DRC7: variants seen among roughly 807,000 people sequenced by gnomAD.
The protein encoded by DRC7 is dynein regulatory complex subunit 7.
Under a neutral mutation model 104.4 loss-of-function variants are expected in DRC7, and 80 were observed. The ratio of observed to expected loss-of-function variants is 0.77; its 90% CI spans 0.64 to 0.92. The LOEUF is 0.92. Among genes scored for constraint, DRC7 ranks in the 40% least tolerant of loss-of-function variants. The pLI is 0.00. For synonymous variants in DRC7, 405 were observed against 447.3 expected (o/e 0.91, Z 1.19); for missense variants, 1,034 against 1,141.1 (o/e 0.91, Z 1.35).
chr16:57,723,083 A>T lies in DRC7; in HGVS notation c.1490A>T (p.Asp497Val), dbSNP rs759429579. ...LELKHINKTT[D>V]LKTDYFKPGH... ...CTGAAACACATAAACAAGACCACAG[A>T]CCTGAAGACAGACTACTTCAAGCCT... Residue 497 changes from aspartate (D) to valine (V), a missense_variant, in exon 12 of 19, where the codon GAC becomes GTC. By Grantham distance (152) the Asp-to-Val change is radical (BLOSUM62 -3). Coordinates refer to ENST00000360716, the MANE Select transcript of DRC7 (RefSeq NM_001289162.2). 6 of 1,613,688 alleles carry T rather than the reference A, an allele frequency of 3.7e-6. No individual in the cohort carries two copies. The highest frequency in any genetic ancestry group is 5.1e-6 in the Non-Finnish European group (6 of 1,179,992).
intron 6 of DRC7, 87 bp from the exon 7 acceptor site, chr16:57,704,789 C>G (rs1597796203): frequency 1.3e-6 from 2 of 1,492,786 alleles, no homozygotes; most frequent in African/African-American, 1.4e-5. Context: ...GTCTGAGGGA[C>G]TGGCTGGGCG....
intron 15 of DRC7, 126 bp from the exon 16 acceptor site, chr16:57,727,173 T>C: frequency 2.5e-6 from 2 of 790,740 alleles, no homozygotes; most frequent in East Asian, 2.5e-5. Flanking sequence ...GTTTTTCCAT[T>C]TTGCCCAGGC....
chr16:57,701,678 C>T, intron 5 of DRC7: 1 of 462,650 alleles, frequency 2.2e-6, no homozygotes, highest in South Asian at 3.0e-5. Flanking sequence ...TCAGACACTC[C>T]TACAGTCCAG....
intron 17 of DRC7, among the ~76,000 whole-genome samples, chr16:57,730,273 A>G (rs1597817313): frequency 1.1e-5 from 1 of 88,280 alleles, no homozygotes. Context: ...AGGTGGGTGG[A>G]TGGATGAGTG....
chr16:57,726,166 C>A lies in DRC7; in HGVS notation c.1857C>A (p.Arg619=). The A allele has an allele frequency of 6.2e-7, 1 of 1,613,174 alleles. No homozygotes were observed. Among genetic ancestry groups the A allele is most frequent in the Non-Finnish European group, 8.5e-7 (1 of 1,180,028 alleles). Residue 619 remains arginine, a synonymous_variant, in exon 14 of 19, where the codon CGC becomes CGA. Coordinates refer to ENST00000360716, the MANE Select transcript of DRC7 (RefSeq NM_001289162.2). ...FLVAEERIQL[R]YHCREDHITA... is the part of the protein sequence containing the mutation. ...TCGCGGAGGAGCGCATCCAGCTGCG[C>A]TACCACTGCCGTGAGGACCACATCA...
intron 7 of DRC7, among the ~76,000 whole-genome samples, chr16:57,705,936 A>T (rs542631084): frequency 1.7e-5 from 2 of 118,616 alleles, no homozygotes; most frequent in African/African-American, 6.6e-5. Flanking sequence ...CCATCCTCTC[A>T]TCCATCCATC....
At chr16:57,724,564 C>A in intron 12 of DRC7, 51 bp from the exon 13 acceptor site, 2 of 1,382,796 alleles carry the variant, frequency 1.4e-6, no homozygotes, top group South Asian at 1.3e-5. Context: ...AGCAGCCATA[C>A]TTCCTAGTGC....
rs551387167 is a variant in DRC7 at position 57,731,549 on chromosome 16, C to T, written c.*291C>T. Reference sequence around the variant, plus strand: ...CACCCCCTTCCTCCCCTTGGCCTGTCGTTTGCTTCCTGTCCTTCTCTCCGT... The same window carrying T: ...CACCCCCTTCCTCCCCTTGGCCTGTTGTTTGCTTCCTGTCCTTCTCTCCGT... On this transcript the variant is annotated 3_prime_UTR_variant, in exon 19 of 19. Coordinates refer to ENST00000360716, the MANE Select transcript of DRC7 (RefSeq NM_001289162.2). 24 of 449,926 alleles carry T rather than the reference C, an allele frequency of 5.3e-5. No homozygotes were observed. Among genetic ancestry groups the T allele is most frequent in the African/African-American group, 3.6e-4 (18 of 50,460 alleles). The allele number at this position is 449,926 out of a possible 1,614,324, so 27.9% of individuals were successfully genotyped here. A position where few individuals can be genotyped will look rare whatever the true frequency, so the allele number is the denominator to read the frequency against.
intron 9 of DRC7, among the ~76,000 whole-genome samples, chr16:57,719,980 G>A (rs188969317): frequency 6.6e-6 from 1 of 152,160 alleles, no homozygotes; most frequent in Non-Finnish European, 1.5e-5. Context: ...CACTTTCAGG[G>A]CTTAAAACTT....
chr16:57,704,376 T>TACACAC (rs55873452), intron 6 of DRC7, among the ~76,000 whole-genome samples: 6,999 of 149,028 alleles, frequency 0.047, 330 homozygotes, highest in Admixed American at 0.11. Flanking sequence ...CACGCAAGCG[T>TACACAC]ACACACACAC....
Position 57,700,196 on chromosome 16 carries a change from T to C in DRC7, c.430T>C (p.Tyr144His). The part of the protein sequence containing the change: ...RPTLMPYPEL[Y>H]NWDSCAQFVS... The stretch of plus-strand genomic sequence containing the variant: ...CACACTGATGCCCTACCCCGAGCTC[T>C]ACAACTGGGACAGCTGTGCCCAGTT... Residue 144 changes from tyrosine (Y) to histidine (H), a missense_variant, in exon 5 of 19, where the codon TAC becomes CAC. Coordinates refer to ENST00000360716, the MANE Select transcript of DRC7 (RefSeq NM_001289162.2). 6.2e-7 allele frequency: 1 copy of C among 1,613,876 alleles called. No homozygotes were observed. Among genetic ancestry groups the C allele is most frequent in the Non-Finnish European group, 8.5e-7 (1 of 1,179,770 alleles).
intron 9 of DRC7, among the ~76,000 whole-genome samples, chr16:57,721,043 C>T (rs1283539426): frequency 2.0e-5 from 3 of 151,928 alleles, no homozygotes; most frequent in African/African-American, 4.8e-5. Flanking sequence ...CTCCCCCGGC[C>T]GTCTCTACTA....
chr16:57,714,963 T>C (rs1199031290), intron 8 of DRC7: 2 of 339,798 alleles, frequency 5.9e-6, no homozygotes, highest in African/African-American at 4.4e-5. Context: ...TTTGAAGATG[T>C]AGGGCAGGAC....
At chr16:57,705,220 TG>T (rs2148738030) in intron 7 of DRC7, among the ~76,000 whole-genome samples, 186 bp downstream of exon 7, 1 of 152,220 alleles carries the variant, frequency 6.6e-6, no homozygotes, top group Non-Finnish European at 1.5e-5. Context: ...CAGCTTCTCA[TG>T]ATGGACTCCT....
intron 3 of DRC7, among the ~76,000 whole-genome samples, chr16:57,698,418 G>A (rs1237584545): frequency 2.0e-5 from 3 of 152,182 alleles, no homozygotes; most frequent in African/African-American, 7.2e-5. Flanking sequence ...CAGGCGCTGT[G>A]TCTCACATCT....
chr16:57,716,451 C>T (rs1220595943), intron 8 of DRC7, among the ~76,000 whole-genome samples: 2 of 148,530 alleles, frequency 1.3e-5, no homozygotes, highest in African/African-American at 5.0e-5. Context: ...TGCAGTGAGC[C>T]GAGATCATGC....
At chr16:57,702,332 C>T (rs2048669041) in intron 6 of DRC7, among the ~76,000 whole-genome samples, 1 of 152,200 alleles carries the variant, frequency 6.6e-6, no homozygotes, top group Non-Finnish European at 1.5e-5. Context: ...TGTCTTAACA[C>T]ATCCAGCCCA....
At chr16:57,730,072 G>A (rs1478247199) in intron 17 of DRC7, among the ~76,000 whole-genome samples, 1 of 130,694 alleles carries the variant, frequency 7.7e-6, no homozygotes, top group Admixed American at 7.6e-5. Flanking sequence ...ATGGATGATG[G>A]ATGGATGGGT....
chr16:57,698,742 GC>G, intron 3 of DRC7, 107 bp from the exon 4 acceptor site: 2 of 1,008,218 alleles, frequency 2.0e-6, no homozygotes, highest in Non-Finnish European at 3.0e-6. Flanking sequence ...CTTCTCAGTA[GC>G]CGTGAGGATT....
Sources: gnomAD v4.1 joint callset for allele counts (sites outside exome capture counted in the v4.1 genomes callset) on GRCh38, gnomAD v4.1.1 for gene constraint, MANE v1.5 for transcripts, NCBI Gene and HGNC (gene_info 2026-07-23, HGNC 2026-07-21) for gene names.